The following HDAC4 variants were observed in gnomAD, a reference collection of about 807,000 sequenced individuals.
HDAC4 encodes histone deacetylase A.
In HDAC4, 16 loss-of-function variants were observed where a neutral mutation model predicts 135.1. That is an observed-to-expected ratio of 0.12 (90% CI 0.08 to 0.18). The LOEUF (loss-of-function observed/expected upper bound fraction) is 0.18. Ranked by LOEUF, HDAC4 falls within the 10% of genes least tolerant of loss-of-function variation. HDAC4 has a pLI of 1.00. For synonymous variants in HDAC4, 685 were observed against 653.4 expected (o/e 1.05, Z -0.74); for missense variants, 1,143 against 1,511.8 (o/e 0.76, Z 4.05).
chr2:239,373,477 T>C (rs1471082875), intron 1 of HDAC4, among the ~76,000 whole-genome samples: 1 of 152,146 alleles, frequency 6.6e-6, no homozygotes, highest in Non-Finnish European at 1.5e-5. Context: ...TGTTGTTGTT[T>C]GTTTGTTTTG....
rs1234005974 is a variant in HDAC4 at position 239,193,475 on chromosome 2, C to T, written c.95-3398G>A. Among the ~76,000 whole-genome samples, 3 of 152,350 alleles carry T rather than the reference C, an allele frequency of 2.0e-5. No individual in the cohort carries two copies. The South Asian group carries it at 6.2e-4, about 32-fold the overall frequency. On this transcript the variant is annotated intron_variant, in intron 3 of 26. Transcript: ENST00000543185. ...GGGCCCAGGGCAGCCGCTGGGGCGC[C>T]GAGGAGCACAGGAGCTGATGGCAGG...
chr2:239,183,440 C>T (rs1001698656), intron 4 of HDAC4, among the ~76,000 whole-genome samples: 4 of 152,224 alleles, frequency 2.6e-5, no homozygotes, highest in African/African-American at 9.6e-5. Flanking sequence ...ATGGACGCCA[C>T]GGACGGTAAG....
At chr2:239,286,256 AAAT>A (rs2051128899) in intron 2 of HDAC4, among the ~76,000 whole-genome samples, 1 of 152,258 alleles carries the variant, frequency 6.6e-6, no homozygotes, top group South Asian at 2.1e-4. Flanking sequence ...AGACTTTCAA[AAAT>A]AATAAGTGTA....
intron 13 of HDAC4, among the ~76,000 whole-genome samples, chr2:239,113,094 C>A (rs566804029): frequency 1.3e-5 from 2 of 152,164 alleles, no homozygotes; most frequent in Admixed American, 6.5e-5. Flanking sequence ...AACAAACAAA[C>A]AAAAAATTAG....
At chr2:239,364,172 C>T (rs191695885) in intron 1 of HDAC4, among the ~76,000 whole-genome samples, 9 of 152,310 alleles carry the variant, frequency 5.9e-5, no homozygotes, top group African/African-American at 2.2e-4. Context: ...TACAGCCACA[C>T]AAGTGCCATG....
chr2:239,242,923 CTT>C (rs2048269967), intron 2 of HDAC4, among the ~76,000 whole-genome samples: 1 of 152,050 alleles, frequency 6.6e-6, no homozygotes, highest in Admixed American at 6.5e-5. Context: ...ACGTAGTAAA[CTT>C]TTTTTTCTCA....
intron 2 of HDAC4, among the ~76,000 whole-genome samples, chr2:239,273,501 G>C (rs1282306831): frequency 6.6e-6 from 1 of 152,214 alleles, no homozygotes; most frequent in East Asian, 1.9e-4. Context: ...CCTGATTCAG[G>C]AGTGAGTGTC....
chr2:239,204,131 C>T (rs1021174726), intron 3 of HDAC4, among the ~76,000 whole-genome samples: 14 of 152,174 alleles, frequency 9.2e-5, no homozygotes, highest in African/African-American at 3.4e-4. Flanking sequence ...AAGCAGGAGT[C>T]CTCATTTCTA....
chr2:239,160,026 C>T (rs1425638695), intron 6 of HDAC4, among the ~76,000 whole-genome samples: 1 of 152,244 alleles, frequency 6.6e-6, no homozygotes, highest in Non-Finnish European at 1.5e-5. Context: ...CAGTTCCAAA[C>T]CATTGCCCTT....
chr2:239,227,888 T>C (rs913609363), intron 3 of HDAC4, among the ~76,000 whole-genome samples: 3 of 152,208 alleles, frequency 2.0e-5, no homozygotes, highest in East Asian at 3.9e-4. Context: ...CCGGGCCCTC[T>C]GCTAGGTCTC....
At chr2:239,075,564 C>T (rs914416047) in intron 22 of HDAC4, among the ~76,000 whole-genome samples, 2 of 152,180 alleles carry the variant, frequency 1.3e-5, no homozygotes, top group African/African-American at 2.4e-5. Flanking sequence ...GTGCCTGTGC[C>T]CGTGAGGCAC....
chr2:239,094,077 T>C (rs2036763869), intron 17 of HDAC4: 3 of 985,284 alleles, frequency 3.0e-6, no homozygotes, highest in African/African-American at 1.7e-5. Context: ...GATCAGTGAT[T>C]ACACACACAC....
At chr2:239,355,747 C>T (rs887335339) in intron 1 of HDAC4, among the ~76,000 whole-genome samples, 1 of 152,142 alleles carries the variant, frequency 6.6e-6, no homozygotes, top group African/African-American at 2.4e-5. Flanking sequence ...AGCTCTAGTC[C>T]AGACCTGAGG....
At chr2:239,109,916 C>T (rs62189555) in intron 14 of HDAC4, among the ~76,000 whole-genome samples, 14,639 of 152,248 alleles carry the variant, frequency 0.096, 1,061 homozygotes, top group Admixed American at 0.24. Flanking sequence ...GCTTTACTGC[C>T]TTTACAGACA....
chr2:239,253,127 G>A (rs1043567088), intron 2 of HDAC4, among the ~76,000 whole-genome samples: 7 of 152,198 alleles, frequency 4.6e-5, no homozygotes, highest in Non-Finnish European at 8.8e-5. Flanking sequence ...AGAGTCTCGG[G>A]AACAAATCCA....
chr2:239,067,424 G>A (rs12373814), intron 23 of HDAC4, among the ~76,000 whole-genome samples: 1,857 of 152,282 alleles, frequency 0.012, 16 homozygotes, highest in Middle Eastern at 0.02. Context: ...TAGAGAGCCC[G>A]GAACCACGCG....
intron 18 of HDAC4, among the ~76,000 whole-genome samples, chr2:239,088,602 C>T (rs186849412): frequency 2.8e-4 from 42 of 152,288 alleles, no homozygotes; most frequent in Non-Finnish European, 4.0e-4. Context: ...GGGTAGACGG[C>T]GGGCAGGGAA....
chr2:239,116,363 C>G (rs1357730733), intron 12 of HDAC4, among the ~76,000 whole-genome samples: 1 of 152,242 alleles, frequency 6.6e-6, no homozygotes, highest in Non-Finnish European at 1.5e-5. Context: ...TCTCTAGGAC[C>G]TGTTCTTGGC....
In HDAC4 at chr2:239,068,049, G is replaced by A. The variant is rs563629020; in HGVS notation, c.2869+440C>T. Among the ~76,000 whole-genome samples, 1 of 152,340 alleles carries A rather than the reference G, an allele frequency of 6.6e-6. No individual in the cohort carries two copies. The highest frequency in any genetic ancestry group is 6.5e-5 in the Admixed American group (1 of 15,292). On this transcript the variant is annotated intron_variant, in intron 23 of 26. Transcript: ENST00000543185. The surrounding 1 kb of genome is among the most constrained non-coding windows in gnomAD (Gnocchi z 4.4). ...ATGGCCCCTAACGCTGATCCTGAGA[G>A]GACACACACATCCTGGGCTCCCTCA...
Sources: gnomAD v4.1 joint callset for allele counts (sites outside exome capture counted in the v4.1 genomes callset) on GRCh38, gnomAD v4.1.1 for gene constraint, Gnocchi (gnomAD v3.1) non-coding constraint, MANE v1.5 for transcripts, NCBI Gene and HGNC (gene_info 2026-07-23, HGNC 2026-07-21) for gene names.